ELOVL4: variants seen among roughly 807,000 people sequenced by gnomAD.
The protein encoded by ELOVL4 is ELOVL fatty acid elongase 4, also known as very long chain fatty acid elongase 4.
A neutral mutation model predicts 42.1 loss-of-function variants in ELOVL4; 18 were observed. The ratio of observed to expected loss-of-function variants is 0.43; its 90% CI spans 0.30 to 0.63. ELOVL4 has a LOEUF of 0.63. ELOVL4 is among the 30% of genes least tolerant of loss of function. ELOVL4 has a pLI of 0.15. For missense variants in ELOVL4, 299 were observed against 376.2 expected, an observed-to-expected ratio of 0.79 and a Z score of 1.70; for synonymous variants, 117 against 127.0, an observed-to-expected ratio of 0.92 and a Z score of 0.53.
intron 1 of ELOVL4, among the ~76,000 whole-genome samples, chr6:79,930,769 C>T (rs930703855): frequency 2.6e-5 from 4 of 151,842 alleles, no homozygotes; most frequent in Non-Finnish European, 5.9e-5. Context: ...TTCATTAACT[C>T]GAATGTTTAA....
chr6:79,937,914 A>C (rs1039346691), intron 1 of ELOVL4, among the ~76,000 whole-genome samples: 19 of 152,232 alleles, frequency 1.2e-4, no homozygotes, highest in Non-Finnish European at 2.4e-4. Context: ...AATAAATGGT[A>C]GTGAGTTTCA....
chr6:79,935,249 A>AT (rs560284669), intron 1 of ELOVL4, among the ~76,000 whole-genome samples: 43 of 151,950 alleles, frequency 2.8e-4, no homozygotes, highest in East Asian at 1.4e-3. Flanking sequence ...TAATAGACCA[A>AT]TTTTTTTTCT....
Position 79,947,292 on chromosome 6 carries a change from C to G in ELOVL4, c.-13G>C. Reference sequence around the variant, plus strand: ...CCAGGAGCCCCATCGCGGCGATGAGCGGGCGCTGGCGGCAGGAGAAAGCGG... The same window carrying G: ...CCAGGAGCCCCATCGCGGCGATGAGGGGGCGCTGGCGGCAGGAGAAAGCGG... On this transcript the variant is annotated 5_prime_UTR_variant, in exon 1 of 6. Coordinates refer to ENST00000369816, the MANE Select transcript of ELOVL4 (RefSeq NM_022726.4). 1 of 1,601,398 alleles carries G rather than the reference C, an allele frequency of 6.2e-7. No individual in the cohort carries two copies. Among genetic ancestry groups the G allele is most frequent in the East Asian group, 2.2e-5 (1 of 44,684 alleles).
chr6:79,947,137 C>T (rs1774760949), intron 1 of ELOVL4, 43 bp downstream of exon 1: 1 of 1,540,474 alleles, frequency 6.5e-7, no homozygotes, highest in Non-Finnish European at 8.9e-7. Flanking sequence ...CCGGTGACCC[C>T]CCGCGGGGGA....
chr6:79,936,059 G>T (rs239528), intron 1 of ELOVL4, among the ~76,000 whole-genome samples: 43,026 of 152,004 alleles, frequency 0.28, 8,244 homozygotes, highest in African/African-American at 0.55. Flanking sequence ...TACTTTAACA[G>T]GCAATTAAGT....
At chr6:79,918,008 T>C (rs1287675403) in intron 5 of ELOVL4, among the ~76,000 whole-genome samples, 6 of 152,106 alleles carry the variant, frequency 3.9e-5, no homozygotes, top group Admixed American at 1.3e-4. Context: ...AAGGGTTAAC[T>C]TTTTATACAA....
At chr6:79,924,868 A>G in intron 3 of ELOVL4, 84 bp downstream of exon 3, 1 of 878,898 alleles carries the variant, frequency 1.1e-6, no homozygotes, top group Admixed American at 1.9e-5. Flanking sequence ...CTCTTAAAAA[A>G]AAGTACATTC....
intron 1 of ELOVL4, among the ~76,000 whole-genome samples, chr6:79,926,810 C>A (rs1774349556): frequency 6.6e-6 from 1 of 152,120 alleles, no homozygotes; most frequent in South Asian, 2.1e-4. Flanking sequence ...CTAAAGCAGG[C>A]AAGAATGTAA....
intron 1 of ELOVL4, among the ~76,000 whole-genome samples, chr6:79,937,245 G>A (rs2127701524): frequency 6.6e-6 from 1 of 152,298 alleles, no homozygotes; most frequent in East Asian, 1.9e-4. Flanking sequence ...GAGCCTGAAA[G>A]AATGGAGGAC....
At chr6:79,921,528 A>C (rs1774256902) in intron 4 of ELOVL4, 97 bp downstream of exon 4, 1 of 913,478 alleles carries the variant, frequency 1.1e-6, no homozygotes, top group African/African-American at 1.6e-5. Context: ...AAAGCAAGTT[A>C]AATGGTAGAT....
chr6:79,943,200 C>T (rs1774675522), intron 1 of ELOVL4, among the ~76,000 whole-genome samples: 1 of 152,176 alleles, frequency 6.6e-6, no homozygotes, highest in Non-Finnish European at 1.5e-5. Context: ...CTGTACAATA[C>T]TTAAAATACA....
At chr6:79,944,987 C>A (rs1272491957) in intron 1 of ELOVL4, among the ~76,000 whole-genome samples, 9 of 93,010 alleles carry the variant, frequency 9.7e-5, no homozygotes, top group Non-Finnish European at 1.4e-4. Flanking sequence ...TGAATGAGTC[C>A]AAAAAAAAAA....
intron 1 of ELOVL4, among the ~76,000 whole-genome samples, chr6:79,934,936 C>T (rs1774518455): frequency 6.6e-6 from 1 of 152,008 alleles, no homozygotes; most frequent in African/African-American, 2.4e-5. Context: ...AGAGTTTACA[C>T]TGAGAATAAA....
At chr6:79,944,281 A>C (rs954765430) in intron 1 of ELOVL4, among the ~76,000 whole-genome samples, 2 of 152,172 alleles carry the variant, frequency 1.3e-5, no homozygotes, top group African/African-American at 4.8e-5. Flanking sequence ...CAATCCTAAT[A>C]ATTTAAATGT....
chr6:79,933,108 T>C (rs1336501528), intron 1 of ELOVL4, among the ~76,000 whole-genome samples: 1 of 152,106 alleles, frequency 6.6e-6, no homozygotes, highest in East Asian at 1.9e-4. Flanking sequence ...GAAGAGGATA[T>C]ATACAAAGGA....
At chr6:79,933,677 G>A (rs1774493960) in intron 1 of ELOVL4, among the ~76,000 whole-genome samples, 1 of 152,148 alleles carries the variant, frequency 6.6e-6, no homozygotes, top group African/African-American at 2.4e-5. Context: ...TCATGTGCTT[G>A]CTAAAATTAT....
intron 1 of ELOVL4, among the ~76,000 whole-genome samples, chr6:79,940,929 A>AGAC (rs201559620): frequency 0.016 from 2,495 of 152,338 alleles, 29 homozygotes; most frequent in South Asian, 0.038. Context: ...ATTTCAAAAC[A>AGAC]GACGCTTAAA....
rs930121407 is a variant in ELOVL4 at position 79,916,733 on chromosome 6, T to C, written c.820A>G (p.Lys274Glu). The part of the protein sequence containing the change: ...NFYIRTYKEP[K>E]KPKAGKTAMN... ...GCTGTTTTTCCAGCTTTTGGTTTCT[T>C]AGGCTCTTTGTATGTCCGAATGTAG... The change falls in exon 6 of 6, where the codon AAG becomes GAG. Residue 274 changes from lysine (K) to glutamate (E), a missense_variant. By Grantham distance (56) the Lys-to-Glu change is moderately conservative. Transcript: ENST00000369816. 1 of 1,614,094 alleles carries C rather than the reference T, an allele frequency of 6.2e-7. No homozygotes were observed. The highest frequency in any genetic ancestry group is 1.3e-5 in the African/African-American group (1 of 74,934).
intron 5 of ELOVL4, among the ~76,000 whole-genome samples, chr6:79,918,435 C>T (rs7743696): frequency 0.16 from 24,295 of 152,058 alleles, 2,224 homozygotes; most frequent in South Asian, 0.36. Context: ...CCATTTACTA[C>T]TTACTGAGAG....
Sources: allele counts gnomAD v4.1 joint callset (sites outside exome capture counted in the v4.1 genomes callset), GRCh38; gene constraint gnomAD v4.1.1; transcripts MANE v1.5; gene names NCBI Gene and HGNC (gene_info 2026-07-23, HGNC 2026-07-21).